The following TRERF1 variants were observed in gnomAD, a reference collection of about 807,000 sequenced individuals.
The protein encoded by TRERF1 is transcriptional-regulating factor 1.
TRERF1 carries 27 observed loss-of-function variants against 122.9 expected under a neutral mutation model. The observed-to-expected ratio is 0.22, with a 90% CI of 0.16 to 0.30. The LOEUF is 0.30. Among genes scored for constraint, TRERF1 ranks in the 10% least tolerant of loss-of-function variants. The pLI, the probability that TRERF1 is intolerant of heterozygous loss-of-function variation, is 1.00. For synonymous variants in TRERF1, 636 were observed against 641.7 expected (o/e 0.99, Z 0.13); for missense variants, 1,248 against 1,560.3 (o/e 0.80, Z 3.37).
chr6:42,361,439 T>C (rs1771749657), intron 3 of TRERF1, among the ~76,000 whole-genome samples: 1 of 152,232 alleles, frequency 6.6e-6, no homozygotes, highest in South Asian at 2.1e-4. Flanking sequence ...TTTTTGTTTG[T>C]TTGTTTTTAA....
chr6:42,390,338 T>C (rs1483472362), intron 2 of TRERF1, among the ~76,000 whole-genome samples: 2 of 152,200 alleles, frequency 1.3e-5, no homozygotes, highest in Non-Finnish European at 2.9e-5. Flanking sequence ...CCCAAACTTG[T>C]TTCACACTCA....
At chr6:42,308,622 G>A (rs545437261) in intron 3 of TRERF1, among the ~76,000 whole-genome samples, 108 of 152,348 alleles carry the variant, frequency 7.1e-4, no homozygotes, top group African/African-American at 2.5e-3. Flanking sequence ...GAACGAGATC[G>A]TGTCTTTTGC....
At chr6:42,319,102 T>G (rs553258244) in intron 3 of TRERF1, among the ~76,000 whole-genome samples, 1 of 152,280 alleles carries the variant, frequency 6.6e-6, no homozygotes, top group African/African-American at 2.4e-5. Flanking sequence ...GTGGCAGTGT[T>G]TCTCCACCTT....
At chr6:42,361,502 G>A (rs762229316) in intron 3 of TRERF1, among the ~76,000 whole-genome samples, 24 of 151,942 alleles carry the variant, frequency 1.6e-4, no homozygotes, top group African/African-American at 4.4e-4. Context: ...AGGGGCTTTC[G>A]AGAAACACTT....
At position 42,393,309 on chromosome 6, in the gene TRERF1, A is replaced by G. The variant is rs114223670; in HGVS notation, c.-453-30230T>C. On this transcript the variant is annotated intron_variant, in intron 2 of 17. Coordinates refer to ENST00000372922, the Ensembl canonical transcript of TRERF1. The surrounding 1 kb of genome is among the most constrained non-coding windows in gnomAD (Gnocchi z 4.1). ...AAACTGGGTTTCAAAAAAGTACCAC[A>G]AATTTTTCACTGTCATTCTGCAAGT... 3.3e-3 allele frequency among the ~76,000 whole-genome samples: 502 copies of G among 152,338 alleles called. 6 individuals carry two copies. The highest frequency in any genetic ancestry group is 9.6e-3 in the African/African-American group (400 of 41,574).
At position 42,259,343 on chromosome 6, in the gene TRERF1, G is replaced by C. The variant is rs1179637457; in HGVS notation, c.2265C>G (p.Arg755=). ...GACGCTAAAGGGGTGACTCACTGGA[G>C]CGACACAGCAGCACCCGTGGTGTGG... is the stretch of plus-strand genomic sequence containing the variant. Residue 755 remains arginine (R), a synonymous_variant, in exon 9 of 18, where the codon CGC becomes CGG. Coordinates refer to ENST00000372922, the Ensembl canonical transcript of TRERF1. This position sits in a 1 kb window ranked among gnomAD's most constrained non-coding sequence, Gnocchi z 4.9. The C allele has an allele frequency of 6.7e-7, 1 of 1,500,086 alleles. No homozygotes were observed. Among genetic ancestry groups the C allele is most frequent in the East Asian group, 2.3e-5 (1 of 43,862 alleles). The allele number at this position is 1,500,086 out of a possible 1,614,324, so 92.9% of individuals were successfully genotyped here.
In TRERF1 at chr6:42,264,684, G is replaced by A. The variant is rs771641472; in HGVS notation, c.1635+20C>T. ...AGCAGCACACGACCTAGAAAGGACCGGGAACTGGCTCCTGCTAACCTGTTT... is the reference window on the plus strand; with the variant it reads ...AGCAGCACACGACCTAGAAAGGACCAGGAACTGGCTCCTGCTAACCTGTTT... On this transcript the variant is annotated intron_variant, in intron 7 of 17. Coordinates refer to ENST00000372922, the Ensembl canonical transcript of TRERF1. 21 of 1,612,232 alleles carry A rather than the reference G, an allele frequency of 1.3e-5. No homozygotes were observed. The highest frequency in any genetic ancestry group is 4.0e-5 in the African/African-American group (3 of 74,988).
intron 17 of TRERF1, among the ~76,000 whole-genome samples, chr6:42,231,935 A>C (rs993204792): frequency 1.3e-5 from 2 of 152,258 alleles, no homozygotes; most frequent in Non-Finnish European, 2.9e-5. Flanking sequence ...ATAAAAAAAC[A>C]GTATCTGTAT....
intron 4 of TRERF1, among the ~76,000 whole-genome samples, chr6:42,287,582 G>A (rs1302539911): frequency 2.0e-5 from 3 of 151,942 alleles, no homozygotes; most frequent in Non-Finnish European, 4.4e-5. Flanking sequence ...ACTTTCACAC[G>A]TCCCCCCTGC....
intron 2 of TRERF1, among the ~76,000 whole-genome samples, chr6:42,397,984 C>T (rs917835785): frequency 1.3e-5 from 2 of 152,156 alleles, no homozygotes; most frequent in Admixed American, 6.5e-5. Flanking sequence ...GCATTCCCAC[C>T]GGTCAGAAGC....
At chr6:42,414,884 T>C (rs1441974043) in intron 2 of TRERF1, among the ~76,000 whole-genome samples, 1 of 152,250 alleles carries the variant, frequency 6.6e-6, no homozygotes, top group African/African-American at 2.4e-5. Context: ...CCAATGAACA[T>C]TGTACATGTG....
intron 2 of TRERF1, among the ~76,000 whole-genome samples, chr6:42,442,868 A>T (rs1562221366): frequency 6.6e-6 from 1 of 152,238 alleles, no homozygotes; most frequent in South Asian, 2.1e-4. Flanking sequence ...GCATTAAATC[A>T]GGGCTTTGGA....
chr6:42,319,380 G>A (rs555763322), intron 3 of TRERF1, among the ~76,000 whole-genome samples: 1 of 152,336 alleles, frequency 6.6e-6, no homozygotes, highest in South Asian at 2.1e-4. Flanking sequence ...TTACCTTGTA[G>A]AGGAAAGCCA....
rs1164029735 is a variant in TRERF1, at chr6:42,276,937, G to A, written c.-258-7089C>T. 6.6e-6 allele frequency among the ~76,000 whole-genome samples: 1 copy of A among 152,206 alleles called. No individual in the cohort carries two copies. The highest frequency in any genetic ancestry group is 2.4e-5 in the African/African-American group (1 of 41,456). The stretch of plus-strand genomic sequence containing the variant: ...AGGAACCTGCAAAATGGAGGGTTTG[G>A]ATTTTGCTTCCTGCAGGTGGCTCCT... On this transcript the variant is annotated intron_variant, in intron 4 of 17. Transcript: ENST00000372922. This position sits in a 1 kb window ranked among gnomAD's most constrained non-coding sequence, Gnocchi z 4.3.
chr6:42,245,979 A>T (rs1774730991), intron 14 of TRERF1, among the ~76,000 whole-genome samples: 1 of 152,180 alleles, frequency 6.6e-6, no homozygotes, highest in African/African-American at 2.4e-5. Flanking sequence ...GTGGTGGTGC[A>T]TGCCTGTAAT....
At chr6:42,262,434 CAGAGAG>C (rs71778190) in intron 8 of TRERF1, among the ~76,000 whole-genome samples, 1,568 of 22,344 alleles carry the variant, frequency 0.07, 71 homozygotes, top group Non-Finnish European at 0.089. Flanking sequence ...TCCCTAGGGG[CAGAGAG>C]AGAGAGAGAG....
Position 42,268,946 on chromosome 6 carries a change from C to T in TRERF1, c.645G>A (p.Gly215=). The T allele has an allele frequency of 6.2e-7, 1 of 1,612,046 alleles. No homozygotes were observed. The highest frequency in any genetic ancestry group is 8.5e-7 in the Non-Finnish European group (1 of 1,178,498). ...CGACCTGAAGAGCTGGTTTGGACAGCCCACCAGTGAAACCAGGGTGAGGCT... is the reference window on the plus strand; with the variant it reads ...CGACCTGAAGAGCTGGTTTGGACAGTCCACCAGTGAAACCAGGGTGAGGCT... The change falls in exon 5 of 18, where the codon GGG becomes GGA. Residue 215 remains glycine (G), a synonymous_variant. Transcript: ENST00000372922. The surrounding 1 kb of genome is among the most constrained non-coding windows in gnomAD (Gnocchi z 4.4).
At chr6:42,321,050 T>C (rs899955457) in intron 3 of TRERF1, among the ~76,000 whole-genome samples, 3 of 150,302 alleles carry the variant, frequency 2.0e-5, no homozygotes, top group Non-Finnish European at 2.9e-5. Flanking sequence ...AGGAATCAGA[T>C]AGGAGGCTGA....
chr6:42,382,187 T>G (rs943908903), intron 2 of TRERF1, among the ~76,000 whole-genome samples: 5 of 150,826 alleles, frequency 3.3e-5, no homozygotes, highest in Non-Finnish European at 7.4e-5. Context: ...GTCTCCAGGG[T>G]TGGACATGGA....
Sources: gnomAD v4.1 joint callset for allele counts (sites outside exome capture counted in the v4.1 genomes callset) on GRCh38, gnomAD v4.1.1 for gene constraint, Gnocchi (gnomAD v3.1) non-coding constraint, MANE v1.5 for transcripts, NCBI Gene and HGNC (gene_info 2026-07-23, HGNC 2026-07-21) for gene names.